The following BRIX1 variants were observed in gnomAD, a reference collection of about 807,000 sequenced individuals.
The protein encoded by BRIX1 is ribosome biogenesis protein BRX1 homolog.
Under a neutral mutation model 44.0 loss-of-function variants are expected in BRIX1, and 15 were observed. That is an observed-to-expected ratio of 0.34 (90% CI 0.23 to 0.53). BRIX1 has a LOEUF of 0.53. BRIX1 is among the 20% of genes least tolerant of loss of function. BRIX1 has a pLI of 0.95. For missense variants in BRIX1, 420 were observed against 432.8 expected (o/e 0.97, Z 0.26); for synonymous variants, 149 against 135.4 (o/e 1.10, Z -0.70).
chr5:34,915,730 C>T lies in BRIX1; in HGVS notation c.-9C>T, dbSNP rs376700900. ...GAAAGGAGGCCAAGAGCGCGGGCGGCGAGGCAAGATGGCGGCAACCAAGAG... is the reference window on the plus strand; with the variant it reads ...GAAAGGAGGCCAAGAGCGCGGGCGGTGAGGCAAGATGGCGGCAACCAAGAG... On this transcript the variant is annotated 5_prime_UTR_variant, in exon 1 of 10. Coordinates refer to ENST00000336767, the MANE Select transcript of BRIX1 (RefSeq NM_018321.4). 4 of 1,594,340 alleles carry T rather than the reference C, an allele frequency of 2.5e-6. No homozygotes were observed. The highest frequency in any genetic ancestry group is 1.3e-5 in the African/African-American group (1 of 74,334).
Position 34,923,137 on chromosome 5 carries a change from T to G in BRIX1, c.566T>G (p.Phe189Cys), listed in dbSNP as rs746565815. 1 of 1,612,868 alleles carries G rather than the reference T, an allele frequency of 6.2e-7. No individual in the cohort carries two copies. Among genetic ancestry groups the G allele is most frequent in the East Asian group, 2.2e-5 (1 of 44,890 alleles). The part of the protein sequence containing the change: ...ALLKELLIQI[F>C]STPRYHPKSQ... ...AACATACACTTTTTTAACTAGATCT[T>G]TAGTACACCACGGTATCATCCCAAA... The change falls in exon 8 of 10, where the codon TTT (phenylalanine) becomes TGT (cysteine). Residue 189 changes from phenylalanine to cysteine, a missense_variant. Transcript: ENST00000336767.
At chr5:34,922,039 G>A (rs1764250499) in intron 3 of BRIX1, 178 bp from the exon 4 acceptor site, 1 of 372,946 alleles carries the variant, frequency 2.7e-6, no homozygotes, top group Non-Finnish European at 4.8e-6. Context: ...ACCTTGGGTA[G>A]AATACCTAAG....
Position 34,919,239 on chromosome 5 carries a change from A to G in BRIX1, c.272-601A>G, listed in dbSNP as rs1267581527. Among the ~76,000 whole-genome samples the G allele has an allele frequency of 4.8e-5, 7 of 145,506 alleles. No individual in the cohort carries two copies. The Admixed American group carries it at 5.0e-4, about 10-fold the overall frequency. On this transcript the variant is annotated intron_variant, in intron 2 of 9. Transcript: ENST00000336767. ...TGTCATGAGCCGTGATTGCGCCACT[A>G]CATTTCAGCCTGGGCAAGGAGCAAG... is the stretch of plus-strand genomic sequence containing the variant.
At position 34,915,761 on chromosome 5, in the gene BRIX1, G is replaced by C; in HGVS notation, c.23G>C (p.Arg8Pro). The change falls in exon 1 of 10, where the codon CGG (arginine) becomes CCG (proline). Residue 8 changes from arginine (R) to proline (P), a missense_variant. Physicochemically the swap from Arg to Pro is moderately radical, Grantham distance 103. Transcript: ENST00000336767. MAATKRK[R>P]RGGFAVQAKK... is the part of the protein sequence containing the mutation. ...AAGATGGCGGCAACCAAGAGGAAAC[G>C]GCGTGGAGGCTTTGCAGTTCAGGCG... 1 of 1,604,008 alleles carries C rather than the reference G, an allele frequency of 6.2e-7. No individual in the cohort carries two copies. Among genetic ancestry groups the C allele is most frequent in the African/African-American group, 1.3e-5 (1 of 74,792 alleles).
chr5:34,922,227 TGAA>T lies in BRIX1; in HGVS notation c.330_332del (p.Lys110del), dbSNP rs1382919919. On this transcript the variant is annotated inframe_deletion, in exon 4 of 10. Coordinates refer to ENST00000336767, the MANE Select transcript of BRIX1 (RefSeq NM_018321.4). ...CTTTGCTTCCTTTAGGTTTGTGAAA[TGAA>T]GAACTGTAATAAATGCATCTATTTT... 5.1e-6 allele frequency: 8 copies of T among 1,577,220 alleles called. No homozygotes were observed. The East Asian group carries it at 6.7e-5, about 13-fold the overall frequency.
chr5:34,921,957 G>T, intron 3 of BRIX1: 1 of 218,650 alleles, frequency 4.6e-6, no homozygotes, highest in Non-Finnish European at 8.8e-6. Flanking sequence ...TCAGAAGTGA[G>T]ACCATTTTAG....
intron 3 of BRIX1, chr5:34,921,164 T>A (rs1764229205): frequency 6.6e-6 from 1 of 152,180 alleles, no homozygotes; most frequent in South Asian, 2.1e-4. Context: ...TTTAAAGTCT[T>A]AAATAATGTG....
Position 34,923,183 on chromosome 5 carries a change from C to T in BRIX1, c.612C>T (p.His204=), listed in dbSNP as rs753904183. The T allele has an allele frequency of 3.0e-5, 48 of 1,614,016 alleles. No homozygotes were observed. Among genetic ancestry groups the T allele is most frequent in the South Asian group, 4.4e-5 (4 of 91,082 alleles). ...YHPKSQPFVD[H]VFTFTILDNR... ...CCAAAAGCCAACCATTTGTGGACCACGTGTTTACTTTCACCATTTTGGATA... is the reference window on the plus strand; with the variant it reads ...CCAAAAGCCAACCATTTGTGGACCATGTGTTTACTTTCACCATTTTGGATA... The change falls in exon 8 of 10, where the codon CAC becomes CAT. Residue 204 remains histidine, a synonymous_variant. Coordinates refer to ENST00000336767, the MANE Select transcript of BRIX1 (RefSeq NM_018321.4).
intron 3 of BRIX1, chr5:34,920,625 G>A (rs552468144): frequency 6.6e-6 from 1 of 152,292 alleles, no homozygotes; most frequent in Admixed American, 6.5e-5. Flanking sequence ...GAGAAATAAA[G>A]CAGGTTATAG....
chr5:34,923,389 T>C, intron 8 of BRIX1, 155 bp downstream of exon 8: 1 of 618,690 alleles, frequency 1.6e-6, no homozygotes, highest in Non-Finnish European at 2.9e-6. Flanking sequence ...AAGCTTCTGC[T>C]CCCTCAGTCT....
rs2111964071 is a variant in BRIX1, at chr5:34,915,913, C to T, written c.159+16C>T. On this transcript the variant is annotated intron_variant, in intron 1 of 9. Coordinates refer to ENST00000336767, the MANE Select transcript of BRIX1 (RefSeq NM_018321.4). ...CGTTTGCAAGGTAGGAGGGGATGTC[C>T]CCGGGCTACACCTGCGGCGGCGGCT... The T allele has an allele frequency of 1.3e-6, 2 of 1,536,436 alleles. No homozygotes were observed. The highest frequency in any genetic ancestry group is 1.8e-6 in the Non-Finnish European group (2 of 1,141,434).
chr5:34,919,834 T>G lies in BRIX1; in HGVS notation c.272-6T>G, dbSNP rs777524581. On this transcript the variant is annotated splice_region_variant and splice_polypyrimidine_tract_variant and intron_variant, in intron 2 of 9. Coordinates refer to ENST00000336767, the MANE Select transcript of BRIX1 (RefSeq NM_018321.4). ...TACTTGCTTTTTCTTTTTTTTCTTT[T>G]TCTAGATACTAAAATGGATCGTAAG... is the stretch of plus-strand genomic sequence containing the variant. 9.8e-7 allele frequency: 1 copy of G among 1,022,808 alleles called. No individual in the cohort carries two copies. Among genetic ancestry groups the G allele is most frequent in the Non-Finnish European group, 1.4e-6 (1 of 710,826 alleles). 63.4% of individuals were successfully genotyped at this position (1,022,808 alleles called of 1,614,324 possible).
At position 34,915,851 on chromosome 5, in the gene BRIX1, A is replaced by C. The variant is rs145108456; in HGVS notation, c.113A>C (p.Glu38Ala). The change falls in exon 1 of 10, where the codon GAG (glutamate) becomes GCG (alanine). Residue 38 changes from glutamate to alanine, a missense_variant. Glu to Ala is a moderately radical substitution (Grantham distance 107). Coordinates refer to ENST00000336767, the MANE Select transcript of BRIX1 (RefSeq NM_018321.4). ...PPAKRHATAE[E>A]VEEEERDRIP... is the part of the protein sequence containing the mutation. ...GCTAAGCGGCACGCCACAGCAGAGG[A>C]GGTGGAGGAAGAAGAGAGGGACCGG... The C allele has an allele frequency of 2.4e-5, 38 of 1,565,652 alleles. No individual in the cohort carries two copies. The highest frequency in any genetic ancestry group is 3.3e-5 in the Non-Finnish European group (38 of 1,154,946).
At chr5:34,917,857 T>G (rs572275453) in intron 1 of BRIX1, among the ~76,000 whole-genome samples, 37 of 151,758 alleles carry the variant, frequency 2.4e-4, no homozygotes, top group African/African-American at 8.7e-4. Context: ...AGAAAGAACT[T>G]TTAGGGTTGG....
intron 8 of BRIX1, among the ~76,000 whole-genome samples, chr5:34,924,152 A>G (rs1204643042): frequency 6.6e-6 from 1 of 152,234 alleles, no homozygotes; most frequent in Non-Finnish European, 1.5e-5. Flanking sequence ...AGAAAAGAGG[A>G]GGTGACTCTA....
intron 8 of BRIX1, among the ~76,000 whole-genome samples, chr5:34,923,882 T>C (rs1280708165): frequency 6.6e-6 from 1 of 152,204 alleles, no homozygotes; most frequent in Non-Finnish European, 1.5e-5. Context: ...TGTTAGTTGA[T>C]ACAGAGTATG....
Position 34,919,875 on chromosome 5 carries a change from AT to A in BRIX1, c.309del (p.Asn104ThrfsTer6). 8.4e-7 allele frequency: 1 copy of A among 1,190,950 alleles called. No individual in the cohort carries two copies. The highest frequency in any genetic ancestry group is 1.2e-6 in the Non-Finnish European group (1 of 829,558). 73.8% of individuals were successfully genotyped at this position (1,190,950 alleles called of 1,614,324 possible). A position where few individuals can be genotyped will look rare whatever the true frequency, so the allele number is the denominator to read the frequency against. On this transcript the variant is annotated frameshift_variant, in exon 3 of 10. Transcript: ENST00000336767. LOFTEE classifies it high-confidence loss of function. ...GGATCGTAAGGATAAGCTATTTGTG[AT>A]TAACGAGGTAATTTTGGAAAGTAAT... is the stretch of plus-strand genomic sequence containing the variant. Reference protein sequence around the residue: ...KMDRKDKLFVINEVCEMKNCN... With the variant: ...KMDRKDKLFVXNEVCEMKNCN...
intron 9 of BRIX1, 21 bp downstream of exon 9, chr5:34,924,996 G>A: frequency 6.2e-7 from 1 of 1,610,108 alleles, no homozygotes. Flanking sequence ...GTGTCATTCA[G>A]TAGTCTTCAA....
At chr5:34,916,043 C>T (rs1764073771) in intron 1 of BRIX1, 146 bp downstream of exon 1, 1 of 945,140 alleles carries the variant, frequency 1.1e-6, no homozygotes, top group South Asian at 1.9e-5. Context: ...CCCGGCCAGA[C>T]TGGGCACGGA....
Sources: allele counts gnomAD v4.1 joint callset (sites outside exome capture counted in the v4.1 genomes callset), GRCh38; gene constraint gnomAD v4.1.1; transcripts MANE v1.5; gene names NCBI Gene and HGNC (gene_info 2026-07-23, HGNC 2026-07-21).